The following PPFIA2 variants were observed in gnomAD, a reference collection of about 807,000 sequenced individuals.
The protein encoded by PPFIA2 is PPFI scaffold protein A2.
PPFIA2 carries 46 observed loss-of-function variants against 175.5 expected under a neutral mutation model. That is an observed-to-expected ratio of 0.26 (90% CI 0.21 to 0.34). The LOEUF (loss-of-function observed/expected upper bound fraction) is 0.34, where lower values mean the gene tolerates loss of function less well. PPFIA2 is among the 10% of genes least tolerant of loss of function. The pLI is 1.00. For synonymous variants in PPFIA2, 568 were observed against 511.4 expected (o/e 1.11, Z -1.49); for missense variants, 1,179 against 1,506.1 (o/e 0.78, Z 3.60).
chr12:81,701,358 C>A (rs541127639), intron 3 of PPFIA2, among the ~76,000 whole-genome samples: 209 of 152,200 alleles, frequency 1.4e-3, no homozygotes, highest in African/African-American at 4.7e-3. Context: ...CTGATTCATG[C>A]ATTTAGAGAG....
chr12:81,736,247 C>G (rs902785745), intron 3 of PPFIA2, among the ~76,000 whole-genome samples: 1 of 151,974 alleles, frequency 6.6e-6, no homozygotes, highest in African/African-American at 2.4e-5. Context: ...AAAGTCTTCA[C>G]TATACAAGCC....
chr12:81,288,404 G>T (rs2137414524), intron 24 of PPFIA2, among the ~76,000 whole-genome samples: 1 of 151,746 alleles, frequency 6.6e-6, no homozygotes, highest in African/African-American at 2.4e-5. Flanking sequence ...CCATGGAATA[G>T]AACTTTGAGA....
chr12:81,691,698 T>G (rs1012597235), intron 3 of PPFIA2, among the ~76,000 whole-genome samples: 11 of 152,084 alleles, frequency 7.2e-5, no homozygotes, highest in African/African-American at 2.4e-4. Context: ...TAAGATTAAT[T>G]CAACAAGGAC....
intron 4 of PPFIA2, among the ~76,000 whole-genome samples, chr12:81,580,457 T>C (rs2074236862): frequency 6.6e-6 from 1 of 151,842 alleles, no homozygotes; most frequent in Non-Finnish European, 1.5e-5. Flanking sequence ...TAGCACGGTA[T>C]GGTTGAACAT....
Position 81,309,029 on chromosome 12 carries a change from T to A in PPFIA2, c.2643-9647A>T, listed in dbSNP as rs189846317. Among the ~76,000 whole-genome samples the A allele has an allele frequency of 1.5e-3, 235 of 152,298 alleles. 1 individual carries two copies. Among genetic ancestry groups the A allele is most frequent in the Admixed American group, 4.8e-3 (74 of 15,294 alleles). On this transcript the variant is annotated intron_variant, in intron 22 of 32. Coordinates refer to ENST00000549396, the MANE Select transcript of PPFIA2 (RefSeq NM_003625.5). ...GAAGAATAAAATATAAGTCAAATAA[T>A]GTGACAATGCAATATACTTAATTTT...
intron 4 of PPFIA2, among the ~76,000 whole-genome samples, chr12:81,641,056 G>A (rs1218184983): frequency 6.6e-6 from 1 of 152,010 alleles, no homozygotes; most frequent in African/African-American, 2.4e-5. Flanking sequence ...GCTCAAATCA[G>A]GGCAATTAAG....
intron 3 of PPFIA2, among the ~76,000 whole-genome samples, chr12:81,741,339 G>GT (rs373730893): frequency 6.9e-4 from 103 of 149,068 alleles, no homozygotes; most frequent in Middle Eastern, 3.5e-3. Context: ...ATATATGATA[G>GT]TTTTTTTTTT....
intron 3 of PPFIA2, among the ~76,000 whole-genome samples, chr12:81,700,509 C>T (rs2076365804): frequency 6.6e-6 from 1 of 152,068 alleles, no homozygotes; most frequent in South Asian, 2.1e-4. Context: ...GAAACCCTCT[C>T]TGACCAGAAT....
At chr12:81,402,887 T>C (rs1275728804) in intron 8 of PPFIA2, among the ~76,000 whole-genome samples, 1 of 152,086 alleles carries the variant, frequency 6.6e-6, no homozygotes, top group Non-Finnish European at 1.5e-5. Context: ...TAAATAAAAC[T>C]TCTTATTACA....
chr12:81,476,917 A>G (rs1375821154), intron 4 of PPFIA2, among the ~76,000 whole-genome samples: 1 of 152,170 alleles, frequency 6.6e-6, no homozygotes, highest in Non-Finnish European at 1.5e-5. Context: ...AGGGACATGG[A>G]TGAAGCTGGA....
rs747873456 is a variant in PPFIA2 at position 81,603,211 on chromosome 12, A to C, written c.303+73580T>G. Among the ~76,000 whole-genome samples the C allele has an allele frequency of 2.8e-3, 429 of 151,926 alleles. 2 individuals carry two copies. The highest frequency in any genetic ancestry group is 3.9e-3 in the Non-Finnish European group (262 of 67,788). ...AAATGGGGAGAATATTGCCTCACTC[A>C]AAGTCTTCTGTAACATTTAAATAAA... is the stretch of plus-strand genomic sequence containing the variant. On this transcript the variant is annotated intron_variant, in intron 4 of 32. Coordinates refer to ENST00000549396, the MANE Select transcript of PPFIA2 (RefSeq NM_003625.5).
intron 4 of PPFIA2, among the ~76,000 whole-genome samples, chr12:81,508,515 C>G (rs1264819681): frequency 9.1e-5 from 8 of 88,092 alleles, no homozygotes; most frequent in Admixed American, 6.6e-4. Flanking sequence ...GAGCAAAATT[C>G]CACCTCAAAA....
chr12:81,394,215 A>G (rs1396691058), intron 8 of PPFIA2, among the ~76,000 whole-genome samples: 2 of 152,044 alleles, frequency 1.3e-5, no homozygotes, highest in African/African-American at 4.8e-5. Context: ...GAAAGTTTTT[A>G]GATAACTTAG....
intron 5 of PPFIA2, among the ~76,000 whole-genome samples, chr12:81,457,550 T>C (rs1462576939): frequency 2.0e-5 from 3 of 152,130 alleles, no homozygotes; most frequent in Admixed American, 2.0e-4. Context: ...TAAAGCAACA[T>C]AGTGATTTAG....
At chr12:81,289,510 A>T (rs2044330094) in intron 24 of PPFIA2, among the ~76,000 whole-genome samples, 1 of 151,900 alleles carries the variant, frequency 6.6e-6, no homozygotes, top group Non-Finnish European at 1.5e-5. Flanking sequence ...TAGTTGGAAA[A>T]ACCAGAGATA....
At chr12:81,693,863 A>C (rs2075569150) in intron 3 of PPFIA2, among the ~76,000 whole-genome samples, 1 of 152,154 alleles carries the variant, frequency 6.6e-6, no homozygotes, top group Non-Finnish European at 1.5e-5. Flanking sequence ...CAAAGTTTAC[A>C]CATGTTATGC....
chr12:81,306,971 T>C (rs1367718536), intron 22 of PPFIA2, among the ~76,000 whole-genome samples: 3 of 152,194 alleles, frequency 2.0e-5, no homozygotes, highest in Non-Finnish European at 4.4e-5. Flanking sequence ...AATTATCTAA[T>C]TACCTTTCCT....
At chr12:81,557,549 A>G (rs1476533157) in intron 4 of PPFIA2, among the ~76,000 whole-genome samples, 1 of 152,060 alleles carries the variant, frequency 6.6e-6, no homozygotes, top group African/African-American at 2.4e-5. Flanking sequence ...GCTATTTAAT[A>G]GCTACAGTGA....
At chr12:81,302,704 A>G in intron 22 of PPFIA2, 1 of 453,558 alleles carries the variant, frequency 2.2e-6, no homozygotes, top group South Asian at 1.6e-5. Context: ...TCCTTTTGAG[A>G]GAAGTAACAA....
Sources: gnomAD v4.1 joint callset for allele counts (sites outside exome capture counted in the v4.1 genomes callset) on GRCh38, gnomAD v4.1.1 for gene constraint, MANE v1.5 for transcripts, NCBI Gene and HGNC (gene_info 2026-07-23, HGNC 2026-07-21) for gene names.